The following PRMT8 variants were observed in gnomAD, a reference collection of about 807,000 sequenced individuals.
The protein encoded by PRMT8 is protein arginine methyltransferase 8, also known as protein arginine N-methyltransferase 8.
In PRMT8, 7 loss-of-function variants were observed where a neutral mutation model predicts 47.1. The ratio of observed to expected loss-of-function variants is 0.15; its 90% CI spans 0.08 to 0.28. The LOEUF (loss-of-function observed/expected upper bound fraction) is 0.28, where lower values mean the gene tolerates loss of function less well. Among genes scored for constraint, PRMT8 ranks in the 10% least tolerant of loss-of-function variants. The pLI, the probability that PRMT8 is intolerant of heterozygous loss-of-function variation, is 1.00. For synonymous variants in PRMT8, 188 were observed against 186.5 expected (o/e 1.01, Z -0.07); for missense variants, 237 against 505.4 (o/e 0.47, Z 5.09).
At chr12:3,482,843 A>G (rs1428863448) in intron 1 of PRMT8, among the ~76,000 whole-genome samples, 2 of 152,152 alleles carry the variant, frequency 1.3e-5, no homozygotes, top group Non-Finnish European at 2.9e-5. Flanking sequence ...GCAGCCCATA[A>G]TAGTAGGTTT....
At chr12:3,421,772 A>G (rs1045074240) in intron 1 of PRMT8, among the ~76,000 whole-genome samples, 12 of 152,244 alleles carry the variant, frequency 7.9e-5, no homozygotes, top group Non-Finnish European at 1.5e-4. Context: ...AGTGTTTGAA[A>G]GAGCAGGTTG....
At position 3,536,008 on chromosome 12, in the gene PRMT8, T is replaced by C. The variant is rs149187067; in HGVS notation, c.76-4598T>C. ...CTGTGCTCCTCAAGTCTCAAGAGCC[T>C]TCAGTTGTGGCTGAACAATCATGTA... On this transcript the variant is annotated intron_variant, in intron 1 of 9. Coordinates refer to ENST00000382622, the MANE Select transcript of PRMT8 (RefSeq NM_019854.5). 2.9e-3 allele frequency among the ~76,000 whole-genome samples: 446 copies of C among 152,244 alleles called. 6 individuals carry two copies. The highest frequency in any genetic ancestry group is 0.01 in the African/African-American group (432 of 41,518).
chr12:3,497,338 T>C (rs948152763), intron 1 of PRMT8, among the ~76,000 whole-genome samples: 1 of 152,164 alleles, frequency 6.6e-6, no homozygotes, highest in African/African-American at 2.4e-5. Flanking sequence ...GAAGATGCAT[T>C]GTTGGCCACT....
At chr12:3,496,226 T>A (rs1413404505) in intron 1 of PRMT8, among the ~76,000 whole-genome samples, 1,587 of 67,532 alleles carry the variant, frequency 0.024, 152 homozygotes, top group African/African-American at 0.082. Flanking sequence ...TTTTTTTTTT[T>A]TTTTTTTTTT....
chr12:3,434,249 A>G (rs2137070123), intron 1 of PRMT8, among the ~76,000 whole-genome samples: 1 of 152,280 alleles, frequency 6.6e-6, no homozygotes, highest in Non-Finnish European at 1.5e-5. Context: ...GCTGAAGCTG[A>G]GGTGCTCCAG....
chr12:3,527,916 A>G (rs1398763077), intron 1 of PRMT8, among the ~76,000 whole-genome samples: 3 of 152,168 alleles, frequency 2.0e-5, no homozygotes, highest in African/African-American at 7.2e-5. Flanking sequence ...TGGGTATAGA[A>G]TTCTAAGTTG....
In PRMT8 at chr12:3,471,419, A is replaced by T. The variant is rs531384059; in HGVS notation, c.49-69187A>T. Reference sequence around the variant, plus strand: ...ATTTATGGTAAGGATATTTCTGGAAATCAAAAGGCCACCAATCCTCAGGTT... The same window carrying T: ...ATTTATGGTAAGGATATTTCTGGAATTCAAAAGGCCACCAATCCTCAGGTT... On this transcript the variant is annotated intron_variant, in intron 1 of 9. Coordinates refer to the PRMT8 transcript ENST00000452611. 9.7e-4 allele frequency among the ~76,000 whole-genome samples: 147 copies of T among 152,104 alleles called. 1 individual carries two copies. The highest frequency in any genetic ancestry group is 1.9e-4 in the Non-Finnish European group (13 of 67,974).
intron 1 of PRMT8, among the ~76,000 whole-genome samples, chr12:3,391,482 C>A (rs1459622708): frequency 2.0e-5 from 3 of 152,154 alleles, no homozygotes; most frequent in Admixed American, 6.5e-5. Context: ...GTGGGACGAG[C>A]AGTGGGGAGG....
chr12:3,404,473 G>T (rs1250851070), intron 1 of PRMT8, among the ~76,000 whole-genome samples: 1 of 152,080 alleles, frequency 6.6e-6, no homozygotes, highest in African/African-American at 2.4e-5. Context: ...TACCACCCAG[G>T]TCAAGAAATA....
intron 7 of PRMT8, among the ~76,000 whole-genome samples, chr12:3,578,159 C>A (rs989217753): frequency 1.3e-5 from 2 of 152,146 alleles, no homozygotes; most frequent in Non-Finnish European, 2.9e-5. Context: ...GTCACCCAGA[C>A]TGGAGTGCAG....
chr12:3,400,312 A>G (rs1010600077), intron 1 of PRMT8, among the ~76,000 whole-genome samples: 1 of 152,226 alleles, frequency 6.6e-6, no homozygotes, highest in African/African-American at 2.4e-5. Context: ...AAACACAATC[A>G]GAAATGATAA....
At chr12:3,405,113 G>A (rs1258663663) in intron 1 of PRMT8, among the ~76,000 whole-genome samples, 5 of 152,112 alleles carry the variant, frequency 3.3e-5, no homozygotes, top group Non-Finnish European at 5.9e-5. Flanking sequence ...AGCATGGCTG[G>A]GGAGGCCTCA....
intron 7 of PRMT8, among the ~76,000 whole-genome samples, chr12:3,578,123 T>A (rs554421816): frequency 1.4e-4 from 22 of 152,174 alleles, no homozygotes; most frequent in East Asian, 3.9e-4. Context: ...GCCAAAAAAA[T>A]TTTTTTTGAG....
intron 2 of PRMT8, among the ~76,000 whole-genome samples, chr12:3,545,340 GC>G (rs1440200066): frequency 1.3e-5 from 2 of 152,350 alleles, no homozygotes; most frequent in African/African-American, 4.8e-5. Flanking sequence ...TATGCGCCAT[GC>G]CCCATGCCTG....
chr12:3,466,275 T>C (rs1178179924), intron 1 of PRMT8, among the ~76,000 whole-genome samples: 2 of 152,128 alleles, frequency 1.3e-5, no homozygotes, highest in East Asian at 3.9e-4. Flanking sequence ...TGGGACTGAG[T>C]GAGACCTCTG....
intron 1 of PRMT8, among the ~76,000 whole-genome samples, chr12:3,421,211 T>C (rs1864537313): frequency 6.6e-6 from 1 of 152,252 alleles, no homozygotes; most frequent in Non-Finnish European, 1.5e-5. Context: ...CAGACATTTA[T>C]TTCTGTGCCG....
In PRMT8 at chr12:3,391,593, T is replaced by C. The variant is rs563467758; in HGVS notation, c.48+10151T>C. ...TAGGTAATAGCTGTAAACTTGGCTT[T>C]AAATCTGAGTGGAATGCGAAGCCAC... is the stretch of plus-strand genomic sequence containing the variant. On this transcript the variant is annotated intron_variant, in intron 1 of 9. Coordinates refer to the PRMT8 transcript ENST00000452611. 5.3e-5 allele frequency among the ~76,000 whole-genome samples: 8 copies of C among 152,336 alleles called. 1 individual carries two copies. The highest frequency in any genetic ancestry group is 1.9e-4 in the African/African-American group (8 of 41,576).
chr12:3,433,034 C>T (rs541756729), intron 1 of PRMT8, among the ~76,000 whole-genome samples: 1 of 152,294 alleles, frequency 6.6e-6, no homozygotes, highest in East Asian at 1.9e-4. Context: ...TGCCATACTG[C>T]TCTCCAGGAT....
chr12:3,582,918 C>A (rs879448464), intron 7 of PRMT8, 140 bp from the exon 8 acceptor site: 96 of 996,610 alleles, frequency 9.6e-5, no homozygotes, highest in Non-Finnish European at 1.3e-4. Context: ...CGGTGGGGAG[C>A]CTGGGAAATC....
Sources: gnomAD v4.1 joint callset for allele counts (sites outside exome capture counted in the v4.1 genomes callset) on GRCh38, gnomAD v4.1.1 for gene constraint, MANE v1.5 for transcripts, NCBI Gene and HGNC (gene_info 2026-07-23, HGNC 2026-07-21) for gene names.